The following PIK3R6 variants were observed in gnomAD, a reference collection of about 807,000 sequenced individuals.
PIK3R6 encodes phosphoinositide 3-kinase regulatory subunit 6.
Under a neutral mutation model 84.9 loss-of-function variants are expected in PIK3R6, and 91 were observed. The ratio of observed to expected loss-of-function variants is 1.07; its 90% CI spans 0.90 to 1.28. The LOEUF is 1.28. Ranked by LOEUF, PIK3R6 falls within the 50% of genes most tolerant of loss-of-function variation. The pLI, the probability that PIK3R6 is intolerant of heterozygous loss-of-function variation, is 0.00. For synonymous variants in PIK3R6, 416 were observed against 411.4 expected (o/e 1.01, Z -0.13); for missense variants, 996 against 985.1 (o/e 1.01, Z -0.15).
At chr17:8,806,254 G>A (rs1011881190) in intron 18 of PIK3R6, among the ~76,000 whole-genome samples, 6 of 152,208 alleles carry the variant, frequency 3.9e-5, no homozygotes, top group African/African-American at 1.4e-4. Flanking sequence ...ACTGGGGATC[G>A]AATGTGACCC....
intron 18 of PIK3R6, among the ~76,000 whole-genome samples, chr17:8,807,868 G>A (rs150537528): frequency 9.2e-5 from 14 of 152,242 alleles, no homozygotes; most frequent in South Asian, 4.2e-4. Flanking sequence ...GAGTATTGCC[G>A]GGGAGACCAG....
chr17:8,846,085 T>C (rs1348940124), intron 2 of PIK3R6, among the ~76,000 whole-genome samples: 1 of 152,240 alleles, frequency 6.6e-6, no homozygotes, highest in Non-Finnish European at 1.5e-5. Flanking sequence ...AGGATTCATA[T>C]AGTTTGAGGT....
At chr17:8,829,618 G>A (rs1050221739) in intron 10 of PIK3R6, 88 bp downstream of exon 10, 141 of 1,261,554 alleles carry the variant, frequency 1.1e-4, no homozygotes, top group Admixed American at 3.8e-4. Context: ...ACTGACACAC[G>A]CATGCACACT....
intron 17 of PIK3R6, among the ~76,000 whole-genome samples, chr17:8,820,876 T>G (rs569257323): frequency 6.6e-6 from 1 of 152,238 alleles, no homozygotes; most frequent in South Asian, 2.1e-4. Flanking sequence ...GGGATCAGAG[T>G]TGGCTTCCTC....
chr17:8,833,330 C>T (rs1384261810), intron 8 of PIK3R6, among the ~76,000 whole-genome samples: 2 of 152,266 alleles, frequency 1.3e-5, no homozygotes, highest in African/African-American at 4.8e-5. Flanking sequence ...ACGCCCACTT[C>T]CTGAAAGCGT....
At chr17:8,838,713 C>T (rs1567600172) in intron 3 of PIK3R6, 58 bp from the exon 4 acceptor site, 1 of 1,474,838 alleles carries the variant, frequency 6.8e-7, no homozygotes. Flanking sequence ...TAGAGGAGAC[C>T]CCTCTGAGCA....
chr17:8,806,911 T>C (rs2087222863), intron 18 of PIK3R6, among the ~76,000 whole-genome samples: 1 of 152,202 alleles, frequency 6.6e-6, no homozygotes, highest in Non-Finnish European at 1.5e-5. Context: ...AAAACATGTA[T>C]GTGGACCTGC....
In PIK3R6 at chr17:8,849,822, G is replaced by T. The variant is rs2088900710; in HGVS notation, c.-28C>A. 6.2e-7 allele frequency: 1 copy of T among 1,610,492 alleles called. No individual in the cohort carries two copies. On this transcript the variant is annotated 5_prime_UTR_variant, in exon 2 of 20. Coordinates refer to ENST00000619866, the MANE Select transcript of PIK3R6 (RefSeq NM_001010855.4). ...GAGCCTTTGGGTGTAGGAGGAGGAGGATGTGGTTGTCTCGGGCAGCAGAAT... is the reference window on the plus strand; with the variant it reads ...GAGCCTTTGGGTGTAGGAGGAGGAGTATGTGGTTGTCTCGGGCAGCAGAAT...
At position 8,823,396 on chromosome 17, in the gene PIK3R6, G is replaced by A. The variant is rs924077936; in HGVS notation, c.1617C>T (p.Tyr539=). Residue 539 remains tyrosine (Y), a synonymous_variant, in exon 14 of 20, where the codon TAC becomes TAT. Transcript: ENST00000619866. ...MGTQPIYFQI[Y]TVKIFFSDLS... ...CCAGTGGGATGCTTACCTTGACTGT[G>A]TAGATCTGGAAATAGATGGGTTGGG... is the stretch of plus-strand genomic sequence containing the variant. The A allele has an allele frequency of 5.6e-6, 9 of 1,596,004 alleles. No homozygotes were observed. The highest frequency in any genetic ancestry group is 2.7e-5 in the African/African-American group (2 of 74,474).
At chr17:8,833,235 G>T (rs1280190749) in intron 8 of PIK3R6, among the ~76,000 whole-genome samples, 190 bp from the exon 9 acceptor site, 1 of 152,264 alleles carries the variant, frequency 6.6e-6, no homozygotes, top group African/African-American at 2.4e-5. Context: ...TGCAAGTGGG[G>T]GTTCCCCTCT....
rs2088351506 is a variant in PIK3R6 at position 8,833,848 on chromosome 17, C to T, written c.646-803G>A. 3.3e-5 allele frequency among the ~76,000 whole-genome samples: 5 copies of T among 151,814 alleles called. No homozygotes were observed. In the South Asian group the frequency reaches 1.0e-3, roughly 32 times the overall value. ...AACCACCGCGCTTGGCCGAAAGTGA[C>T]TTTTAGGTAAAGACTTGAAGTGAAA... On this transcript the variant is annotated intron_variant, in intron 8 of 19. Coordinates refer to ENST00000619866, the MANE Select transcript of PIK3R6 (RefSeq NM_001010855.4).
chr17:8,862,432 C>A lies in PIK3R6; in HGVS notation c.-92+5097G>T, dbSNP rs2089305636. Among the ~76,000 whole-genome samples the A allele has an allele frequency of 6.6e-6, 1 of 152,182 alleles. No individual in the cohort carries two copies. The highest frequency in any genetic ancestry group is 1.5e-5 in the Non-Finnish European group (1 of 68,028). ...GGCATGGTTGCTACAATAAATGACA[C>A]AGGAAACAGAGATTACTTTGATGCT... On this transcript the variant is annotated intron_variant, in intron 1 of 19. Transcript: ENST00000619866. The surrounding 1 kb of genome is among the most constrained non-coding windows in gnomAD (Gnocchi z 4.3).
intron 12 of PIK3R6, 28 bp downstream of exon 12, chr17:8,828,084 C>T (rs370275678): frequency 3.1e-6 from 5 of 1,610,186 alleles, no homozygotes; most frequent in Admixed American, 1.7e-5. Context: ...GTCTCTGCCC[C>T]GCCACCGCCT....
chr17:8,834,105 C>T lies in PIK3R6; in HGVS notation c.646-1060G>A, dbSNP rs542868324. Among the ~76,000 whole-genome samples, 6 of 144,350 alleles carry T rather than the reference C, an allele frequency of 4.2e-5. No homozygotes were observed. In the South Asian group the frequency reaches 6.8e-4, roughly 16 times the overall value. 94.7% of individuals were successfully genotyped at this position (144,350 alleles called of 152,430 possible). A position where few individuals can be genotyped will look rare whatever the true frequency, so the allele number is the denominator to read the frequency against. Reference sequence around the variant, plus strand: ...CCAGGAGGCGGAGCTTGCAGTGAGCCGAGATCACGCCACTGCACTCCAGCC... The same window carrying T: ...CCAGGAGGCGGAGCTTGCAGTGAGCTGAGATCACGCCACTGCACTCCAGCC... On this transcript the variant is annotated intron_variant, in intron 8 of 19. Transcript: ENST00000619866.
chr17:8,814,663 G>T (rs1400870368), intron 18 of PIK3R6, among the ~76,000 whole-genome samples: 1 of 152,090 alleles, frequency 6.6e-6, no homozygotes, highest in African/African-American at 2.4e-5. Flanking sequence ...AAAAAGATGA[G>T]AAAATTAGAG....
In PIK3R6 at chr17:8,828,090, C is replaced by T. The variant is rs1251374768; in HGVS notation, c.1392+22G>A. The T allele has an allele frequency of 8.1e-6, 13 of 1,611,878 alleles. No homozygotes were observed. In the Admixed American group the frequency reaches 1.5e-4, roughly 19 times the overall value. On this transcript the variant is annotated intron_variant, in intron 12 of 19. Coordinates refer to ENST00000619866, the MANE Select transcript of PIK3R6 (RefSeq NM_001010855.4). Reference sequence around the variant, plus strand: ...GCCTGCCCTGTCTCTGCCCCGCCACCGCCTCCCCGCGGTCCAGTCACCTCA... The same window carrying T: ...GCCTGCCCTGTCTCTGCCCCGCCACTGCCTCCCCGCGGTCCAGTCACCTCA...
intron 2 of PIK3R6, among the ~76,000 whole-genome samples, chr17:8,845,321 C>A (rs1008177033): frequency 1.3e-5 from 2 of 152,176 alleles, no homozygotes; most frequent in African/African-American, 4.8e-5. Flanking sequence ...TACTCCACAG[C>A]CTTGCCAGCA....
intron 13 of PIK3R6, 111 bp from the exon 14 acceptor site, chr17:8,823,608 C>T (rs1412763516): frequency 1.4e-6 from 1 of 699,774 alleles, no homozygotes; most frequent in African/African-American, 1.8e-5. Flanking sequence ...ATGCACTAAC[C>T]CAGTGCGTCC....
intron 5 of PIK3R6, among the ~76,000 whole-genome samples, 169 bp downstream of exon 5, chr17:8,837,634 T>C (rs1031661740): frequency 2.0e-5 from 3 of 151,952 alleles, no homozygotes; most frequent in Non-Finnish European, 4.4e-5. Flanking sequence ...TCTCTCTCCA[T>C]ATGGGAGGGA....
Sources: gnomAD v4.1 joint callset for allele counts (sites outside exome capture counted in the v4.1 genomes callset) on GRCh38, gnomAD v4.1.1 for gene constraint, Gnocchi (gnomAD v3.1) non-coding constraint, MANE v1.5 for transcripts, NCBI Gene and HGNC (gene_info 2026-07-23, HGNC 2026-07-21) for gene names.